The following KCNQ5 variants were observed in gnomAD, a reference collection of about 807,000 sequenced individuals.
KCNQ5 encodes the protein potassium voltage-gated channel subfamily KQT member 5.
Under a neutral mutation model 98.2 loss-of-function variants are expected in KCNQ5, and 30 were observed. That is an observed-to-expected ratio of 0.31 (90% CI 0.23 to 0.41). The LOEUF is 0.41. Ranked by LOEUF, KCNQ5 falls within the 10% of genes least tolerant of loss-of-function variation. The pLI is 1.00. For synonymous variants in KCNQ5, 458 were observed against 449.4 expected, an observed-to-expected ratio of 1.02 and a Z score of -0.24; for missense variants, 835 against 1,182.5, an observed-to-expected ratio of 0.71 and a Z score of 4.31.
chr6:72,642,849 G>A (rs903369982), intron 1 of KCNQ5, among the ~76,000 whole-genome samples: 43 of 152,112 alleles, frequency 2.8e-4, no homozygotes, highest in African/African-American at 1.0e-3. Context: ...CAAAGACATG[G>A]AGTCAAACTA....
At chr6:72,994,185 C>T (rs1769162153) in intron 1 of KCNQ5, among the ~76,000 whole-genome samples, 1 of 80,626 alleles carries the variant, frequency 1.2e-5, no homozygotes, top group East Asian at 3.4e-4. Flanking sequence ...TGGTGGGCTC[C>T]ACCCAGTTCG....
At chr6:72,663,806 A>G (rs555453381) in intron 1 of KCNQ5, among the ~76,000 whole-genome samples, 67 of 149,290 alleles carry the variant, frequency 4.5e-4, no homozygotes, top group African/African-American at 1.5e-3. Flanking sequence ...TATATTCTTT[A>G]AAAAAAAAAG....
At chr6:72,720,730 G>A (rs962736699) in intron 1 of KCNQ5, among the ~76,000 whole-genome samples, 3 of 152,132 alleles carry the variant, frequency 2.0e-5, no homozygotes, top group Admixed American at 1.3e-4. Flanking sequence ...AGTTTGTCTC[G>A]TCTTCTTATT....
At chr6:72,988,908 T>C (rs1411859574) in intron 1 of KCNQ5, among the ~76,000 whole-genome samples, 3 of 72,114 alleles carry the variant, frequency 4.2e-5, no homozygotes, top group African/African-American at 1.7e-4. Context: ...ATGCGTTGTT[T>C]GGTTTTTTGT....
intron 1 of KCNQ5, among the ~76,000 whole-genome samples, chr6:72,722,485 A>C (rs1203129931): frequency 6.6e-6 from 1 of 152,192 alleles, no homozygotes. Flanking sequence ...TTAAATCCTG[A>C]TTCTGCCACA....
chr6:72,753,687 G>T (rs1312253020), intron 1 of KCNQ5, among the ~76,000 whole-genome samples: 1 of 151,986 alleles, frequency 6.6e-6, no homozygotes, highest in Non-Finnish European at 1.5e-5. Context: ...AATAATGATG[G>T]TGAACATCTT....
In KCNQ5 at chr6:72,622,186, T is replaced by G; in HGVS notation, c.-4T>G. The G allele has an allele frequency of 8.2e-7, 1 of 1,222,524 alleles. No homozygotes were observed. The highest frequency in any genetic ancestry group is 1.0e-6 in the Non-Finnish European group (1 of 982,244). 75.7% of individuals were successfully genotyped at this position (1,222,524 alleles called of 1,614,324 possible). A position where few individuals can be genotyped will look rare whatever the true frequency, so the allele number is the denominator to read the frequency against. On this transcript the variant is annotated 5_prime_UTR_variant, in exon 1 of 14. It removes an upstream start codon present in the reference 5' UTR. Coordinates refer to ENST00000370398, the MANE Select transcript of KCNQ5 (RefSeq NM_019842.4). The surrounding 1 kb of genome is among the most constrained non-coding windows in gnomAD (Gnocchi z 6.0). ...GGCCCCCTCGCGGTGCCCGTGGTGATGCCATGCCCCGCCACCACGCGGGAG... is the reference window on the plus strand; with the variant it reads ...GGCCCCCTCGCGGTGCCCGTGGTGAGGCCATGCCCCGCCACCACGCGGGAG...
intron 1 of KCNQ5, among the ~76,000 whole-genome samples, chr6:72,911,254 A>C (rs1474094272): frequency 6.6e-6 from 1 of 152,114 alleles, no homozygotes; most frequent in African/African-American, 2.4e-5. Flanking sequence ...TGGTATTAAG[A>C]GATTGGGCCT....
At chr6:72,939,151 C>T (rs989571407) in intron 1 of KCNQ5, among the ~76,000 whole-genome samples, 5 of 152,240 alleles carry the variant, frequency 3.3e-5, no homozygotes, top group Admixed American at 6.5e-5. Flanking sequence ...GTGCTTTTGG[C>T]GAGCGGGTGG....
intron 1 of KCNQ5, among the ~76,000 whole-genome samples, chr6:72,951,624 C>T (rs1299151790): frequency 6.6e-6 from 1 of 151,972 alleles, no homozygotes; most frequent in East Asian, 1.9e-4. Flanking sequence ...AAGATATGTC[C>T]TCCCCTAAGA....
chr6:72,801,959 C>T (rs941551390), intron 1 of KCNQ5, among the ~76,000 whole-genome samples: 3 of 152,290 alleles, frequency 2.0e-5, no homozygotes, highest in African/African-American at 7.2e-5. Flanking sequence ...TTGGTCCCCA[C>T]TCTCTTCTGG....
intron 3 of KCNQ5, among the ~76,000 whole-genome samples, chr6:73,067,054 G>A (rs7760183): frequency 0.67 from 102,493 of 151,994 alleles, 38,547 homozygotes; most frequent in Non-Finnish European, 0.85. Context: ...TAATATTTTC[G>A]CTAAATTTTA....
intron 10 of KCNQ5, among the ~76,000 whole-genome samples, chr6:73,137,103 G>GA (rs71866343): frequency 1.5e-4 from 22 of 148,612 alleles, no homozygotes; most frequent in East Asian, 5.9e-4. Flanking sequence ...GTATAATAGA[G>GA]AAAAAAAAAA....
intron 7 of KCNQ5, among the ~76,000 whole-genome samples, chr6:73,119,384 G>A (rs1004446514): frequency 6.6e-5 from 10 of 152,120 alleles, no homozygotes; most frequent in African/African-American, 2.4e-4. Context: ...CTACAAAACA[G>A]GAATCTTAAT....
chr6:73,032,926 G>A (rs2150349487), intron 2 of KCNQ5, among the ~76,000 whole-genome samples: 1 of 152,222 alleles, frequency 6.6e-6, no homozygotes, highest in East Asian at 1.9e-4. Context: ...GAAGGGGAAA[G>A]CCTAAGACAT....
intron 10 of KCNQ5, among the ~76,000 whole-genome samples, chr6:73,165,743 G>A (rs1186950950): frequency 2.6e-5 from 4 of 151,954 alleles, no homozygotes; most frequent in South Asian, 2.1e-4. Context: ...TCAGGAGTTC[G>A]AGACCAGCCT....
intron 1 of KCNQ5, among the ~76,000 whole-genome samples, chr6:72,644,645 A>G (rs1227349883): frequency 6.6e-6 from 1 of 152,202 alleles, no homozygotes; most frequent in Non-Finnish European, 1.5e-5. Context: ...GGATTAAACT[A>G]CTAGATGAAA....
intron 1 of KCNQ5, among the ~76,000 whole-genome samples, chr6:72,862,675 T>G (rs1777818725): frequency 6.6e-6 from 1 of 152,144 alleles, no homozygotes. Flanking sequence ...TCACCTAGGC[T>G]GGAGTCCAGT....
At chr6:73,023,480 A>G (rs75234159) in intron 2 of KCNQ5, among the ~76,000 whole-genome samples, 1 of 151,962 alleles carries the variant, frequency 6.6e-6, no homozygotes, top group Non-Finnish European at 1.5e-5. Context: ...GTGGAGAGTG[A>G]AAAAAAATGG....
Sources: allele counts gnomAD v4.1 joint callset (sites outside exome capture counted in the v4.1 genomes callset), GRCh38; gene constraint gnomAD v4.1.1; non-coding constraint Gnocchi (gnomAD v3.1); transcripts MANE v1.5; gene names NCBI Gene and HGNC (gene_info 2026-07-23, HGNC 2026-07-21).